Variants in MOK observed in about 807,000 individuals in gnomAD.
MOK encodes the protein MOK protein kinase, also known as MAPK/MAK/MRK overlapping kinase.
In MOK, 59 loss-of-function variants were observed where a neutral mutation model predicts 54.2. That is an observed-to-expected ratio of 1.09 (90% CI 0.88 to 1.35). The LOEUF (loss-of-function observed/expected upper bound fraction) is 1.35, where lower values mean the gene tolerates loss of function less well. Among genes scored for constraint, MOK ranks in the 40% most tolerant of loss-of-function variants. The pLI is 0.00. For synonymous variants in MOK, 210 were observed against 202.7 expected (o/e 1.04, Z -0.31); for missense variants, 517 against 526.2 (o/e 0.98, Z 0.17).
intron 7 of MOK, among the ~76,000 whole-genome samples, chr14:102,246,942 C>T (rs951138079): frequency 2.0e-5 from 3 of 152,128 alleles, no homozygotes. Context: ...AAGCCACCAA[C>T]AATAAAGACA....
At chr14:102,271,005 A>T (rs1372703338) in intron 2 of MOK, among the ~76,000 whole-genome samples, 1 of 152,198 alleles carries the variant, frequency 6.6e-6, no homozygotes, top group African/African-American at 2.4e-5. Context: ...CAGCCTGGCC[A>T]ACATGATGAA....
intron 4 of MOK, among the ~76,000 whole-genome samples, chr14:102,263,010 T>A (rs986164006): frequency 6.6e-6 from 1 of 152,194 alleles, no homozygotes; most frequent in Non-Finnish European, 1.5e-5. Context: ...TCTATAAGTA[T>A]CTCAAACCAG....
At chr14:102,274,220 G>A (rs2068642195) in intron 2 of MOK, among the ~76,000 whole-genome samples, 1 of 149,610 alleles carries the variant, frequency 6.7e-6, no homozygotes, top group Non-Finnish European at 1.5e-5. Flanking sequence ...GCCTCCCAAA[G>A]TGCTGGGATT....
intron 1 of MOK, among the ~76,000 whole-genome samples, chr14:102,302,754 T>A (rs2072378024): frequency 6.6e-6 from 1 of 151,872 alleles, no homozygotes; most frequent in Non-Finnish European, 1.5e-5. Flanking sequence ...ACACATGCAG[T>A]GCTAACATTA....
chr14:102,243,701 CCA>C, intron 7 of MOK, among the ~76,000 whole-genome samples: 1 of 152,204 alleles, frequency 6.6e-6, no homozygotes, highest in Admixed American at 6.5e-5. Context: ...CCACATTATT[CCA>C]GATACCACAC....
At chr14:102,279,926 G>A (rs999740486) in intron 2 of MOK, among the ~76,000 whole-genome samples, 1 of 151,926 alleles carries the variant, frequency 6.6e-6, no homozygotes, top group African/African-American at 2.4e-5. Flanking sequence ...AATACTGGAG[G>A]GGGTAGGGGT....
intron 7 of MOK, among the ~76,000 whole-genome samples, chr14:102,243,687 C>T (rs1340476590): frequency 3.9e-5 from 6 of 152,198 alleles, no homozygotes; most frequent in Non-Finnish European, 8.8e-5. Flanking sequence ...TTCAATCCGG[C>T]CTCCCACATT....
At chr14:102,302,134 G>A (rs1224293314) in intron 1 of MOK, among the ~76,000 whole-genome samples, 2 of 145,844 alleles carry the variant, frequency 1.4e-5, no homozygotes, top group Admixed American at 7.0e-5. Context: ...GTGCAGTAGT[G>A]CGATCTCAGC....
chr14:102,233,388 C>T (rs2064920134), intron 8 of MOK: 2 of 327,352 alleles, frequency 6.1e-6, no homozygotes, highest in Non-Finnish European at 1.1e-5. Flanking sequence ...AACGTTTCCA[C>T]CCAAAGGCTT....
Position 102,233,753 on chromosome 14 carries a change from GTCCAGTTCATTTAC to G in MOK, c.613_626del (p.Val205ProfsTer29). ...TGACATCGTGGATTTTTGAGATTTGGTCCAGTTCATTTACTCCAGGAAAGAGGGGCTGCAGACTG... is the reference window on the plus strand; with the variant it reads ...TGACATCGTGGATTTTTGAGATTTGGTCCAGGAAAGAGGGGCTGCAGACTG... On this transcript the variant is annotated frameshift_variant, in exon 8 of 12. Transcript: ENST00000361847. LOFTEE classifies it high-confidence loss of function. The G allele has an allele frequency of 1.9e-6, 3 of 1,614,156 alleles. No homozygotes were observed. Among genetic ancestry groups the G allele is most frequent in the Non-Finnish European group, 2.5e-6 (3 of 1,179,996 alleles).
At chr14:102,293,113 A>T (rs941549498) in intron 1 of MOK, among the ~76,000 whole-genome samples, 1 of 152,188 alleles carries the variant, frequency 6.6e-6, no homozygotes. Context: ...AGCCTGGGTG[A>T]CAGAGCTAGA....
chr14:102,281,866 G>A (rs1044963259), intron 2 of MOK, among the ~76,000 whole-genome samples: 1 of 152,224 alleles, frequency 6.6e-6, no homozygotes, highest in Non-Finnish European at 1.5e-5. Flanking sequence ...AGAATGCATA[G>A]AGAGGAAGAA....
At chr14:102,299,543 C>G (rs920783197) in intron 1 of MOK, among the ~76,000 whole-genome samples, 5 of 151,950 alleles carry the variant, frequency 3.3e-5, no homozygotes, top group Admixed American at 2.6e-4. Flanking sequence ...CTCTCTGATA[C>G]AATAGCAAAC....
intron 6 of MOK, 36 bp from the exon 7 acceptor site, chr14:102,251,026 C>A (rs749841264): frequency 1.2e-6 from 2 of 1,601,418 alleles, no homozygotes; most frequent in East Asian, 4.5e-5. Flanking sequence ...AGTAACATCC[C>A]ATTATGTGGC....
chr14:102,258,319 GC>G (rs2067131726), intron 4 of MOK, among the ~76,000 whole-genome samples: 1 of 152,068 alleles, frequency 6.6e-6, no homozygotes, highest in African/African-American at 2.4e-5. Context: ...AGCCACATGG[GC>G]CTCTTCCCTC....
chr14:102,270,962 C>A (rs533637666), intron 2 of MOK, among the ~76,000 whole-genome samples: 2 of 152,084 alleles, frequency 1.3e-5, no homozygotes, highest in African/African-American at 2.4e-5. Context: ...GAGGCCGAGA[C>A]GGGTGGATAA....
intron 4 of MOK, among the ~76,000 whole-genome samples, chr14:102,259,827 C>T (rs2067242056): frequency 6.6e-6 from 1 of 152,072 alleles, no homozygotes; most frequent in African/African-American, 2.4e-5. Flanking sequence ...GGGCAGATCA[C>T]GAGGTCAAGA....
downstream of MOK, chr14:102,223,611 TTCA>T (rs1232264325): frequency 7.2e-5 from 11 of 152,650 alleles, no homozygotes; most frequent in Non-Finnish European, 5.9e-5. Flanking sequence ...ACTAGTAATT[TTCA>T]TCATTTAAGA....
At chr14:102,234,336 G>A (rs1459964154) in intron 7 of MOK, among the ~76,000 whole-genome samples, 1 of 151,056 alleles carries the variant, frequency 6.6e-6, no homozygotes, top group African/African-American at 2.4e-5. Context: ...CAATCTCCTA[G>A]ACTCTCCCAT....
Sources: gnomAD v4.1 joint callset for allele counts (sites outside exome capture counted in the v4.1 genomes callset) on GRCh38, gnomAD v4.1.1 for gene constraint, MANE v1.5 for transcripts, NCBI Gene and HGNC (gene_info 2026-07-23, HGNC 2026-07-21) for gene names.